The following FIGN variants were observed in gnomAD, a reference collection of about 807,000 sequenced individuals.
FIGN encodes fidgetin, microtubule severing factor.
A neutral mutation model predicts 51.3 loss-of-function variants in FIGN; 11 were observed. The observed-to-expected ratio is 0.21, with a 90% confidence interval of 0.13 to 0.35. The LOEUF is 0.35. Ranked by LOEUF, FIGN falls within the 10% of genes least tolerant of loss-of-function variation. The pLI is 1.00. For synonymous variants in FIGN, 407 were observed against 363.2 expected, an observed-to-expected ratio of 1.12 and a Z score of -1.37; for missense variants, 857 against 943.6, an observed-to-expected ratio of 0.91 and a Z score of 1.20.
chr2:163,695,013 G>A lies in FIGN; in HGVS notation c.25+39890C>T, dbSNP rs138547894. Among the ~76,000 whole-genome samples, 229 of 151,744 alleles carry A rather than the reference G, an allele frequency of 1.5e-3. 1 individual carries two copies. Among genetic ancestry groups the A allele is most frequent in the Admixed American group, 3.2e-3 (49 of 15,220 alleles). ...TCCCAGGCCCCAGACTGCACTTTCC[G>A]CCCCCCTCCTTTGAGATCTCATTGT... On this transcript the variant is annotated intron_variant, in intron 2 of 2. Transcript: ENST00000333129.
rs1031632152 is a variant in FIGN at position 163,606,568 on chromosome 2, A to G, written c.*2984T>C. 2 of 152,248 alleles carry G rather than the reference A, an allele frequency of 1.3e-5. No homozygotes were observed. The highest frequency in any genetic ancestry group is 2.9e-5 in the Non-Finnish European group (2 of 68,082). The allele number at this position is 152,248 out of a possible 1,614,324, so 9.4% of individuals were successfully genotyped here. A position where few individuals can be genotyped will look rare whatever the true frequency, so the allele number is the denominator to read the frequency against. The stretch of plus-strand genomic sequence containing the variant: ...AGCCCCATTACTCAGTTGTACTATC[A>G]CCGACTGTACACATTCACTTCTGAG... On this transcript the variant is annotated 3_prime_UTR_variant, in exon 3 of 3. Transcript: ENST00000333129.
At chr2:163,700,154 G>A (rs1406873532) in intron 2 of FIGN, among the ~76,000 whole-genome samples, 3 of 152,130 alleles carry the variant, frequency 2.0e-5, no homozygotes, top group East Asian at 3.9e-4. Context: ...TATGCACCTA[G>A]TAAACTATTG....
chr2:163,611,199 C>A lies in FIGN; in HGVS notation c.633G>T (p.Pro211=), dbSNP rs773053951. The change falls in exon 3 of 3, where the codon CCG becomes CCT. Residue 211 remains proline, a synonymous_variant. Transcript: ENST00000333129. The part of the protein sequence containing the change: ...QPAPALPSPH[P]SPLHSSGLLQ... ...GTAGCCCAGAGCTATGCAAAGGAGA[C>A]GGATGAGGTGAAGGAAGTGCAGGTG... 3 of 1,613,860 alleles carry A rather than the reference C, an allele frequency of 1.9e-6. No homozygotes were observed. The highest frequency in any genetic ancestry group is 2.5e-6 in the Non-Finnish European group (3 of 1,179,998).
chr2:163,651,284 A>G (rs1231706649), intron 2 of FIGN, among the ~76,000 whole-genome samples: 1 of 152,078 alleles, frequency 6.6e-6, no homozygotes, highest in Non-Finnish European at 1.5e-5. Context: ...AACACGGTGA[A>G]ACCCCGTCTC....
chr2:163,675,710 T>C (rs372648459), intron 2 of FIGN, among the ~76,000 whole-genome samples: 13 of 139,262 alleles, frequency 9.3e-5, no homozygotes, highest in African/African-American at 2.3e-4. Flanking sequence ...TTCTTTCTTT[T>C]TTTTTTTTTT....
At chr2:163,681,965 G>A (rs1259818630) in intron 2 of FIGN, among the ~76,000 whole-genome samples, 3 of 152,154 alleles carry the variant, frequency 2.0e-5, no homozygotes, top group East Asian at 1.9e-4. Context: ...GGCTCACACC[G>A]GATTGGACAT....
rs78695994 is a variant in FIGN, at chr2:163,674,694, G to A, written c.25+60209C>T. Among the ~76,000 whole-genome samples the A allele has an allele frequency of 0.013, 2,049 of 152,256 alleles. 101 individuals are homozygous for A. In the East Asian group the frequency reaches 0.18, roughly 13 times the overall value. ...TATAAGCAAATCTTGAAGTAGGAGTGAGGAATTCTATAGGCAACTAAATCT... is the reference window on the plus strand; with the variant it reads ...TATAAGCAAATCTTGAAGTAGGAGTAAGGAATTCTATAGGCAACTAAATCT... On this transcript the variant is annotated intron_variant, in intron 2 of 2. Transcript: ENST00000333129.
chr2:163,663,854 C>A (rs1250840028), intron 2 of FIGN, among the ~76,000 whole-genome samples: 2 of 151,636 alleles, frequency 1.3e-5, no homozygotes, highest in South Asian at 2.1e-4. Flanking sequence ...TGCACTCCAG[C>A]CTGGGAAACA....
intron 2 of FIGN, among the ~76,000 whole-genome samples, chr2:163,673,266 G>A (rs146867015): frequency 6.6e-6 from 1 of 151,980 alleles, no homozygotes. Flanking sequence ...ACATACTTGC[G>A]AGACACTGGG....
intron 2 of FIGN, among the ~76,000 whole-genome samples, chr2:163,644,059 A>T (rs369698563): frequency 8.6e-5 from 13 of 151,682 alleles, no homozygotes; most frequent in African/African-American, 2.9e-4. Flanking sequence ...CTTAGATATG[A>T]CCCAAAAGCA....
At chr2:163,706,512 A>G (rs1045495095) in intron 2 of FIGN, among the ~76,000 whole-genome samples, 9 of 152,266 alleles carry the variant, frequency 5.9e-5, no homozygotes, top group South Asian at 2.1e-4. Flanking sequence ...CATAAAATAA[A>G]CCTAATCATG....
At chr2:163,717,108 T>A (rs1324122176) in intron 2 of FIGN, among the ~76,000 whole-genome samples, 2 of 152,208 alleles carry the variant, frequency 1.3e-5, no homozygotes, top group Non-Finnish European at 2.9e-5. Context: ...ATGAAAAGTC[T>A]AAAATGCATG....
intron 2 of FIGN, among the ~76,000 whole-genome samples, chr2:163,679,139 T>A (rs561527384): frequency 6.6e-6 from 1 of 152,306 alleles, no homozygotes; most frequent in African/African-American, 2.4e-5. Flanking sequence ...CTGATCCTTG[T>A]TGGATCTACA....
intron 2 of FIGN, among the ~76,000 whole-genome samples, chr2:163,691,853 A>C (rs1684245044): frequency 1.3e-5 from 2 of 152,178 alleles, no homozygotes; most frequent in African/African-American, 4.8e-5. Context: ...TGCAATTAGA[A>C]TAAAGAACAA....
chr2:163,635,104 G>A lies in FIGN; in HGVS notation c.26-23298C>T, dbSNP rs376611185. Among the ~76,000 whole-genome samples, 9 of 152,210 alleles carry A rather than the reference G, an allele frequency of 5.9e-5. No homozygotes were observed. In the South Asian group the frequency reaches 1.9e-3, roughly 32 times the overall value. ...TATTTGCTATTAATACCTACTATGTGTATGCTTAATTTCAAGTGTACTTGA... is the reference window on the plus strand; with the variant it reads ...TATTTGCTATTAATACCTACTATGTATATGCTTAATTTCAAGTGTACTTGA... On this transcript the variant is annotated intron_variant, in intron 2 of 2. Transcript: ENST00000333129.
intron 2 of FIGN, among the ~76,000 whole-genome samples, chr2:163,656,517 G>A (rs1454136515): frequency 6.6e-6 from 1 of 152,038 alleles, no homozygotes; most frequent in Admixed American, 6.6e-5. Context: ...ACTCCTGGAG[G>A]GGCTCATCAA....
Position 163,643,150 on chromosome 2 carries a change from T to A in FIGN, c.26-31344A>T, listed in dbSNP as rs1015478489. On this transcript the variant is annotated intron_variant, in intron 2 of 2. Transcript: ENST00000333129. ...AAAACTTACTACAAAGCAACAGTGA[T>A]CAAGTCAGGGTGATGCTGGCATAAG... 3.3e-5 allele frequency among the ~76,000 whole-genome samples: 5 copies of A among 152,110 alleles called. No individual in the cohort carries two copies. In the East Asian group the frequency reaches 5.8e-4, roughly 18 times the overall value.
intron 2 of FIGN, among the ~76,000 whole-genome samples, chr2:163,647,687 G>A (rs549772083): frequency 3.2e-4 from 49 of 152,228 alleles, no homozygotes; most frequent in African/African-American, 1.1e-3. Context: ...TAAAACAAGA[G>A]GGAAAACTAT....
intron 2 of FIGN, among the ~76,000 whole-genome samples, chr2:163,643,091 A>T (rs996712910): frequency 8.5e-5 from 13 of 152,140 alleles, no homozygotes; most frequent in Admixed American, 1.3e-4. Flanking sequence ...AATCTTATTT[A>T]AAAAAAGCAG....
Sources: gnomAD v4.1 joint callset for allele counts (sites outside exome capture counted in the v4.1 genomes callset) on GRCh38, gnomAD v4.1.1 for gene constraint, MANE v1.5 for transcripts, NCBI Gene and HGNC (gene_info 2026-07-23, HGNC 2026-07-21) for gene names.